Variants in ZFYVE9 observed in about 807,000 individuals in gnomAD.
The protein encoded by ZFYVE9 is zinc finger FYVE domain-containing protein 9.
ZFYVE9 carries 43 observed loss-of-function variants against 126.7 expected under a neutral mutation model. The observed-to-expected ratio is 0.34, with a 90% CI of 0.27 to 0.44. The LOEUF is 0.44. ZFYVE9 is among the 20% of genes least tolerant of loss of function. ZFYVE9 has a pLI of 1.00. For missense variants in ZFYVE9, 1,476 were observed against 1,697.0 expected, an observed-to-expected ratio of 0.87 and a Z score of 2.29; for synonymous variants, 521 against 597.4, an observed-to-expected ratio of 0.87 and a Z score of 1.87.
intron 1 of ZFYVE9, among the ~76,000 whole-genome samples, chr1:52,194,110 AAAAC>A (rs1304439957): frequency 4.6e-5 from 7 of 152,270 alleles, no homozygotes; most frequent in South Asian, 2.1e-4. Context: ...CTCCATCTCA[AAAAC>A]AAACAAAGTA....
intron 1 of ZFYVE9, among the ~76,000 whole-genome samples, chr1:52,213,106 TA>T (rs1645042531): frequency 6.6e-6 from 1 of 152,336 alleles, no homozygotes; most frequent in East Asian, 1.9e-4. Context: ...TCATTCTGGG[TA>T]AAAAGTACTG....
intron 11 of ZFYVE9, 57 bp from the exon 12 acceptor site, chr1:52,295,838 C>G: frequency 7.0e-7 from 1 of 1,436,610 alleles, no homozygotes; most frequent in South Asian, 1.2e-5. Flanking sequence ...CATGAAATCT[C>G]TTTTACCAAA....
chr1:52,292,469 C>CTTTTTTTTTTTT (rs1159852399), intron 10 of ZFYVE9, among the ~76,000 whole-genome samples: 1 of 102,038 alleles, frequency 9.8e-6, no homozygotes, highest in Non-Finnish European at 2.0e-5. Flanking sequence ...CTGAACATTT[C>CTTTTTTTTTTTT]TTTTTTTTTT....
intron 8 of ZFYVE9, among the ~76,000 whole-genome samples, chr1:52,275,080 GAAATTTTATTTTTA>G (rs1645732167): frequency 6.6e-6 from 1 of 152,122 alleles, no homozygotes; most frequent in East Asian, 1.9e-4. Context: ...AATATTATGT[GAAATTTTATTTTTA>G]TAATTTTAAC....
intron 15 of ZFYVE9, among the ~76,000 whole-genome samples, chr1:52,337,517 G>GT (rs1253014036): frequency 6.6e-6 from 1 of 152,214 alleles, no homozygotes; most frequent in Non-Finnish European, 1.5e-5. Context: ...ATGTGACTGT[G>GT]TTTAAGTTTT....
intron 1 of ZFYVE9, among the ~76,000 whole-genome samples, chr1:52,154,827 A>G (rs1351366647): frequency 7.2e-5 from 11 of 152,208 alleles, no homozygotes; most frequent in Admixed American, 7.2e-4. Flanking sequence ...AAGTGTGGCT[A>G]TAATGAACTC....
intron 13 of ZFYVE9, among the ~76,000 whole-genome samples, chr1:52,306,253 C>T (rs1646083737): frequency 6.6e-6 from 1 of 152,172 alleles, no homozygotes; most frequent in Admixed American, 6.5e-5. Context: ...GCTGAGCAGA[C>T]ATCGGGATGA....
chr1:52,305,784 C>T (rs1313098141), intron 13 of ZFYVE9, among the ~76,000 whole-genome samples: 2 of 152,176 alleles, frequency 1.3e-5, no homozygotes, highest in East Asian at 1.9e-4. Context: ...GAAGGCCCCC[C>T]TCCCTTACAG....
intron 4 of ZFYVE9, among the ~76,000 whole-genome samples, chr1:52,250,518 G>A (rs192049402): frequency 1.1e-3 from 162 of 152,102 alleles, no homozygotes; most frequent in African/African-American, 3.4e-3. Flanking sequence ...GTGTGTTTGC[G>A]GGGAATCTTT....
intron 8 of ZFYVE9, 74 bp from the exon 9 acceptor site, chr1:52,278,418 C>T (rs1645769096): frequency 7.0e-6 from 11 of 1,565,038 alleles, no homozygotes; most frequent in Non-Finnish European, 9.7e-6. Flanking sequence ...GAATAATTAG[C>T]TCATTTCTCC....
chr1:52,255,124 G>A lies in ZFYVE9; in HGVS notation c.2179-8649G>A, dbSNP rs114297047. On this transcript the variant is annotated intron_variant, in intron 4 of 18. Transcript: ENST00000287727. ...AAAAAAAAGGTTAATGGTAAGTTAA[G>A]TACAATACATATATTTGCTTCAGCC... Among the ~76,000 whole-genome samples the A allele has an allele frequency of 5.7e-3, 859 of 150,730 alleles. 5 individuals carry two copies. Among genetic ancestry groups the A allele is most frequent in the African/African-American group, 0.02 (827 of 41,140 alleles).
intron 4 of ZFYVE9, among the ~76,000 whole-genome samples, chr1:52,241,759 T>G (rs776213498): frequency 6.6e-6 from 1 of 152,182 alleles, no homozygotes; most frequent in East Asian, 1.9e-4. Flanking sequence ...ATCCTTGAGC[T>G]TCTCAGAAGA....
At chr1:52,251,093 A>T (rs1175250264) in intron 4 of ZFYVE9, among the ~76,000 whole-genome samples, 2 of 150,866 alleles carry the variant, frequency 1.3e-5, no homozygotes, top group Non-Finnish European at 2.9e-5. Context: ...CTTTTTTGAG[A>T]TGGAGTCTCG....
At chr1:52,304,797 T>G (rs1364203080) in intron 13 of ZFYVE9, among the ~76,000 whole-genome samples, 1 of 152,134 alleles carries the variant, frequency 6.6e-6, no homozygotes, top group Non-Finnish European at 1.5e-5. Flanking sequence ...CACGTGATTT[T>G]TTTTTTTTTA....
chr1:52,325,700 TCAG>T (rs1184853281), intron 13 of ZFYVE9, among the ~76,000 whole-genome samples: 4 of 152,228 alleles, frequency 2.6e-5, no homozygotes, highest in African/African-American at 7.2e-5. Context: ...ACTAGTATAT[TCAG>T]CAAGTATTTA....
At chr1:52,311,208 A>G (rs1646133849) in intron 13 of ZFYVE9, among the ~76,000 whole-genome samples, 1 of 151,656 alleles carries the variant, frequency 6.6e-6, no homozygotes, top group Admixed American at 6.6e-5. Flanking sequence ...CAGAAAAATG[A>G]TGAGCCATAG....
chr1:52,272,671 A>ACCTTTTTTTTTTTTTT (rs1162973754), intron 7 of ZFYVE9, among the ~76,000 whole-genome samples: 3 of 134,850 alleles, frequency 2.2e-5, no homozygotes, highest in African/African-American at 3.3e-5. Context: ...GCTAGAAATA[A>ACCTTTTTTTTTTTTTT]TCTTTTTTTT....
chr1:52,296,464 C>T (rs1645976228), intron 12 of ZFYVE9, among the ~76,000 whole-genome samples: 1 of 152,042 alleles, frequency 6.6e-6, no homozygotes, highest in Non-Finnish European at 1.5e-5. Context: ...GCTGATGGAT[C>T]TGAATATGGA....
At chr1:52,183,821 A>G (rs781317033) in intron 1 of ZFYVE9, among the ~76,000 whole-genome samples, 57 of 149,530 alleles carry the variant, frequency 3.8e-4, no homozygotes, top group Non-Finnish European at 7.4e-5. Flanking sequence ...TGTGTCTTTA[A>G]TGTATAAGCT....
Sources: gnomAD v4.1 joint callset for allele counts (sites outside exome capture counted in the v4.1 genomes callset) on GRCh38, gnomAD v4.1.1 for gene constraint, MANE v1.5 for transcripts, NCBI Gene and HGNC (gene_info 2026-07-23, HGNC 2026-07-21) for gene names.